ASAP2: variants seen among roughly 807,000 people sequenced by gnomAD.
ASAP2 encodes ArfGAP with SH3 domain, ankyrin repeat and PH domain 2, also known as arf-GAP with SH3 domain, ANK repeat and PH domain-containing protein 2.
Under a neutral mutation model 131.4 loss-of-function variants are expected in ASAP2, and 45 were observed. The observed-to-expected ratio is 0.34, with a 90% CI of 0.27 to 0.44. The LOEUF (loss-of-function observed/expected upper bound fraction) is 0.44, where lower values mean the gene tolerates loss of function less well. Ranked by LOEUF, ASAP2 falls within the 20% of genes least tolerant of loss-of-function variation. ASAP2 has a pLI of 1.00. For synonymous variants in ASAP2, 510 were observed against 503.0 expected, an observed-to-expected ratio of 1.01 and a Z score of -0.19; for missense variants, 1,011 against 1,297.0, an observed-to-expected ratio of 0.78 and a Z score of 3.39.
intron 1 of ASAP2, among the ~76,000 whole-genome samples, chr2:9,227,612 G>GT (rs1249517404): frequency 6.6e-6 from 1 of 152,152 alleles, no homozygotes; most frequent in Non-Finnish European, 1.5e-5. Flanking sequence ...AAGATAATTG[G>GT]TAAGTAGTAG....
In ASAP2 at chr2:9,217,669, C is replaced by T. The variant is rs1360805828; in HGVS notation, c.126+10439C>T. 1.3e-5 allele frequency among the ~76,000 whole-genome samples: 2 copies of T among 151,166 alleles called. No homozygotes were observed. The highest frequency in any genetic ancestry group is 4.9e-5 in the African/African-American group (2 of 40,948). On this transcript the variant is annotated intron_variant, in intron 1 of 27. Coordinates refer to ENST00000281419, the MANE Select transcript of ASAP2 (RefSeq NM_003887.3). This position sits in a 1 kb window ranked among gnomAD's most constrained non-coding sequence, Gnocchi z 4.0. ...TCGCTCTGCCACCCAGGCTGGAGTG[C>T]GGTGGCACAATCTCGGCTCACTGCA...
chr2:9,324,512 G>A (rs1670357453), intron 6 of ASAP2, among the ~76,000 whole-genome samples: 1 of 152,154 alleles, frequency 6.6e-6, no homozygotes, highest in Non-Finnish European at 1.5e-5. Flanking sequence ...CTTGCTGGTG[G>A]GCGCTCTGCA....
At chr2:9,246,238 A>G (rs780664721) in intron 1 of ASAP2, among the ~76,000 whole-genome samples, 1 of 152,240 alleles carries the variant, frequency 6.6e-6, no homozygotes, top group Non-Finnish European at 1.5e-5. Context: ...TTTTCATTTC[A>G]CCTGACTTCT....
At chr2:9,296,887 G>T (rs1260200119) in intron 2 of ASAP2, among the ~76,000 whole-genome samples, 1 of 152,200 alleles carries the variant, frequency 6.6e-6, no homozygotes, top group Non-Finnish European at 1.5e-5. Context: ...GCTGCTGTGT[G>T]GGGCTCTGAA....
chr2:9,311,584 G>C lies in ASAP2; in HGVS notation c.346-6940G>C, dbSNP rs899322396. On this transcript the variant is annotated intron_variant, in intron 3 of 27. Transcript: ENST00000281419. This position sits in a 1 kb window ranked among gnomAD's most constrained non-coding sequence, Gnocchi z 5.2. ...CAGGGATAATGTAATTCTTCCCATA[G>C]AGCATGAAAATGTCATTACTCATAA... is the stretch of plus-strand genomic sequence containing the variant. 2.6e-5 allele frequency among the ~76,000 whole-genome samples: 4 copies of C among 152,188 alleles called. No individual in the cohort carries two copies. Among genetic ancestry groups the C allele is most frequent in the Admixed American group, 1.3e-4 (2 of 15,280 alleles).
chr2:9,298,002 G>A (rs1450810876), intron 3 of ASAP2, among the ~76,000 whole-genome samples: 2 of 152,136 alleles, frequency 1.3e-5, no homozygotes, highest in African/African-American at 2.4e-5. Context: ...TTGGTGCTGT[G>A]GGTGAATTGC....
intron 1 of ASAP2, among the ~76,000 whole-genome samples, chr2:9,253,974 G>A (rs1015674727): frequency 6.6e-6 from 1 of 151,622 alleles, no homozygotes; most frequent in Non-Finnish European, 1.5e-5. Context: ...TTGGGAGGGC[G>A]AGGTGGGTGG....
At chr2:9,229,688 G>T (rs1663018791) in intron 1 of ASAP2, among the ~76,000 whole-genome samples, 1 of 152,232 alleles carries the variant, frequency 6.6e-6, no homozygotes, top group Non-Finnish European at 1.5e-5. Flanking sequence ...CAGAGCACTG[G>T]AGGGAATTGG....
chr2:9,254,262 T>G (rs1664973044), intron 1 of ASAP2, among the ~76,000 whole-genome samples: 5 of 120,030 alleles, frequency 4.2e-5, no homozygotes, highest in South Asian at 2.8e-4. Flanking sequence ...TATACACGTG[T>G]GTGTGTATGC....
intron 1 of ASAP2, among the ~76,000 whole-genome samples, chr2:9,230,283 T>G (rs1249266959): frequency 6.6e-6 from 1 of 152,172 alleles, no homozygotes; most frequent in Non-Finnish European, 1.5e-5. Flanking sequence ...GCTTGTTTGC[T>G]CAGGGTCTGG....
At chr2:9,276,923 T>G (rs1666797462) in intron 1 of ASAP2, among the ~76,000 whole-genome samples, 2 of 152,182 alleles carry the variant, frequency 1.3e-5, no homozygotes, top group Admixed American at 1.3e-4. Context: ...GTGGCTGACT[T>G]CTAATGCTTC....
chr2:9,372,960 A>C (rs370189117), intron 16 of ASAP2, among the ~76,000 whole-genome samples: 1 of 152,114 alleles, frequency 6.6e-6, no homozygotes, highest in South Asian at 2.1e-4. Flanking sequence ...TTTTTTTCTT[A>C]ACATTATAAC....
chr2:9,390,921 T>G, intron 22 of ASAP2, 141 bp from the exon 23 acceptor site: 1 of 1,245,134 alleles, frequency 8.0e-7, no homozygotes, highest in Non-Finnish European at 1.1e-6. Flanking sequence ...AGTAAAAGCA[T>G]TGAGGGTTCT....
chr2:9,267,452 A>T (rs1666018699), intron 1 of ASAP2, among the ~76,000 whole-genome samples: 1 of 152,134 alleles, frequency 6.6e-6, no homozygotes, highest in African/African-American at 2.4e-5. Context: ...AGCTGCATCC[A>T]TGTTGCTGCA....
At chr2:9,279,020 C>T (rs1016707822) in intron 1 of ASAP2, among the ~76,000 whole-genome samples, 7 of 152,172 alleles carry the variant, frequency 4.6e-5, no homozygotes, top group East Asian at 3.9e-4. Context: ...AGAGGGCTCA[C>T]GTCCAGCAGG....
chr2:9,297,745 ACTGTGTAGACTACTCTCCTT>A (rs1368939085), intron 3 of ASAP2, among the ~76,000 whole-genome samples: 1 of 152,180 alleles, frequency 6.6e-6, no homozygotes, highest in Non-Finnish European at 1.5e-5. Flanking sequence ...CAGTTTCTAA[ACTGTGTAGACTACTCTCCTT>A]CTGGTAATTA....
intron 1 of ASAP2, among the ~76,000 whole-genome samples, chr2:9,229,507 CT>C (rs1663005937): frequency 6.6e-6 from 1 of 152,224 alleles, no homozygotes; most frequent in Non-Finnish European, 1.5e-5. Flanking sequence ...CCCTTGGGCA[CT>C]GCTGGCCTGG....
At chr2:9,327,661 TAAAG>T (rs1328766941) in intron 6 of ASAP2, among the ~76,000 whole-genome samples, 161 bp from the exon 7 acceptor site, 2 of 152,178 alleles carry the variant, frequency 1.3e-5, no homozygotes, top group African/African-American at 4.8e-5. Flanking sequence ...GGCCCCAAAA[TAAAG>T]AAACGGTTAC....
At chr2:9,313,306 C>T (rs1445185098) in intron 3 of ASAP2, among the ~76,000 whole-genome samples, 1 of 152,180 alleles carries the variant, frequency 6.6e-6, no homozygotes, top group Non-Finnish European at 1.5e-5. Context: ...CACCTAAGTT[C>T]TTATTGGAAT....
Sources: allele counts gnomAD v4.1 joint callset (sites outside exome capture counted in the v4.1 genomes callset), GRCh38; gene constraint gnomAD v4.1.1; non-coding constraint Gnocchi (gnomAD v3.1); transcripts MANE v1.5; gene names NCBI Gene and HGNC (gene_info 2026-07-23, HGNC 2026-07-21).